Variants in TRPS1 observed in about 807,000 individuals in gnomAD.
TRPS1 encodes zinc finger transcription factor Trps1.
In TRPS1, 6 loss-of-function variants were observed where a neutral mutation model predicts 101.2. The observed-to-expected ratio is 0.06, with a 90% CI of 0.03 to 0.12. The LOEUF is 0.12. Among genes scored for constraint, TRPS1 ranks in the 10% least tolerant of loss-of-function variants. TRPS1 has a pLI of 1.00. For missense variants in TRPS1, 1,363 were observed against 1,567.0 expected, an observed-to-expected ratio of 0.87 and a Z score of 2.20; for synonymous variants, 578 against 589.8, an observed-to-expected ratio of 0.98 and a Z score of 0.29.
Position 115,603,933 on chromosome 8 carries a change from T to A in TRPS1, c.2036A>T (p.His679Leu), listed in dbSNP as rs1479213719. Residue 679 changes from histidine (H) to leucine (L), a missense_variant, in exon 4 of 7, where the codon CAC becomes CTC. Physicochemically the swap from His to Leu is moderately conservative, Grantham distance 99. This residue lies in a region of TRPS1 where 1,020 missense variants were observed against 1,073.0 expected (regional missense o/e 0.95). Coordinates refer to ENST00000395715, the MANE Select transcript of TRPS1 (RefSeq NM_014112.5). ...AATAAAATCACATTTGGTACATGAG[T>A]GTTCTTTGCTTTCCTTGACAGACTG... The part of the protein sequence containing the change: ...GQQSVKESKE[H>L]SCTKCDFITQ... 1 of 1,613,844 alleles carries A rather than the reference T, an allele frequency of 6.2e-7. No individual in the cohort carries two copies. Among genetic ancestry groups the A allele is most frequent in the Admixed American group, 1.7e-5 (1 of 59,958 alleles).
intron 4 of TRPS1, among the ~76,000 whole-genome samples, chr8:115,596,311 A>G (rs557154297): frequency 1.3e-5 from 2 of 152,042 alleles, no homozygotes; most frequent in African/African-American, 4.8e-5. Context: ...GTTCTTTCAC[A>G]GTAAGTTATT....
chr8:115,429,790 C>T (rs1455608301), intron 5 of TRPS1, among the ~76,000 whole-genome samples: 1 of 152,034 alleles, frequency 6.6e-6, no homozygotes, highest in Non-Finnish European at 1.5e-5. Context: ...TTTCTGTTGG[C>T]ATTATTTTTC....
intron 5 of TRPS1, among the ~76,000 whole-genome samples, chr8:115,547,947 C>T (rs952091958): frequency 6.6e-6 from 1 of 152,106 alleles, no homozygotes. Context: ...AATCCTAAAC[C>T]TGGCCAGGCA....
intron 5 of TRPS1, among the ~76,000 whole-genome samples, chr8:115,547,475 C>G (rs574350841): frequency 6.6e-6 from 1 of 152,146 alleles, no homozygotes; most frequent in Non-Finnish European, 1.5e-5. Flanking sequence ...GTGTGAATAC[C>G]TGCCCCTAGA....
At chr8:115,543,213 G>A (rs961497183) in intron 5 of TRPS1, among the ~76,000 whole-genome samples, 1 of 152,154 alleles carries the variant, frequency 6.6e-6, no homozygotes, top group Non-Finnish European at 1.5e-5. Flanking sequence ...AGGGAAGCAG[G>A]CATGGTCTTA....
At chr8:115,508,081 C>T (rs769021067) in intron 5 of TRPS1, among the ~76,000 whole-genome samples, 1 of 151,986 alleles carries the variant, frequency 6.6e-6, no homozygotes, top group Non-Finnish European at 1.5e-5. Flanking sequence ...TAATGACCAC[C>T]TTAACATGTT....
intron 5 of TRPS1, among the ~76,000 whole-genome samples, chr8:115,566,672 C>T (rs1817075031): frequency 6.6e-6 from 1 of 152,062 alleles, no homozygotes. Context: ...GACAATGACT[C>T]TTCACTAAGT....
At chr8:115,464,338 G>A (rs562676667) in intron 5 of TRPS1, among the ~76,000 whole-genome samples, 55 of 152,222 alleles carry the variant, frequency 3.6e-4, no homozygotes, top group Middle Eastern at 6.8e-3. Flanking sequence ...TGGATCAAGT[G>A]TTCTGTGACC....
At chr8:115,503,349 G>C (rs1815366567) in intron 5 of TRPS1, among the ~76,000 whole-genome samples, 1 of 151,494 alleles carries the variant, frequency 6.6e-6, no homozygotes, top group African/African-American at 2.4e-5. Flanking sequence ...AGGGCTAGCT[G>C]TCAAAAAATA....
intron 1 of TRPS1, among the ~76,000 whole-genome samples, chr8:115,624,995 C>T (rs1051524109): frequency 1.3e-5 from 2 of 151,756 alleles, no homozygotes; most frequent in East Asian, 3.9e-4. Context: ...GACATATTTA[C>T]TCCAACTAAC....
At chr8:115,445,191 A>C (rs1813701910) in intron 5 of TRPS1, among the ~76,000 whole-genome samples, 1 of 151,884 alleles carries the variant, frequency 6.6e-6, no homozygotes, top group Non-Finnish European at 1.5e-5. Context: ...CCTCCTCTCA[A>C]CTGTCAGAAA....
At chr8:115,626,369 G>C (rs536253923) in intron 1 of TRPS1, among the ~76,000 whole-genome samples, 1 of 151,026 alleles carries the variant, frequency 6.6e-6, no homozygotes, top group East Asian at 1.9e-4. Flanking sequence ...TAAAATGCAA[G>C]AGAACATTGT....
rs1194777137 is a variant in TRPS1, at chr8:115,620,053, G to T, written c.45C>A (p.Val15=). Residue 15 remains valine (V), a synonymous_variant, in exon 3 of 7, where the codon GTC becomes GTA. Coordinates refer to ENST00000395715, the MANE Select transcript of TRPS1 (RefSeq NM_014112.5). Reference sequence around the variant, plus strand: ...TTCTCAGAGGGGGGTTCTTTTTCCGGACCATATCTGCAAAGATAAAGGGAA... The same window carrying T: ...TTCTCAGAGGGGGGTTCTTTTTCCGTACCATATCTGCAAAGATAAAGGGAA... ...VNAGYDFTNM[V]RKKNPPLRNV... is the part of the protein sequence containing the mutation. 6.2e-7 allele frequency: 1 copy of T among 1,613,934 alleles called. No individual in the cohort carries two copies. The highest frequency in any genetic ancestry group is 8.5e-7 in the Non-Finnish European group (1 of 1,179,992).
intron 1 of TRPS1, among the ~76,000 whole-genome samples, chr8:115,643,075 C>G (rs1449118804): frequency 6.6e-6 from 1 of 152,070 alleles, no homozygotes; most frequent in Non-Finnish European, 1.5e-5. Context: ...TTAAAAAATA[C>G]ACTTAGTTAA....
At chr8:115,568,481 A>T (rs1240476845) in intron 5 of TRPS1, among the ~76,000 whole-genome samples, 3 of 152,084 alleles carry the variant, frequency 2.0e-5, no homozygotes, top group African/African-American at 7.2e-5. Flanking sequence ...TTTAAAACAT[A>T]GTTTACTATA....
intron 6 of TRPS1, among the ~76,000 whole-genome samples, chr8:115,416,784 G>C (rs1431409358): frequency 6.6e-6 from 1 of 151,954 alleles, no homozygotes; most frequent in Non-Finnish European, 1.5e-5. Flanking sequence ...GTTAGTTTAA[G>C]AAAGAAAATG....
chr8:115,411,663 C>G lies in TRPS1; in HGVS notation c.*2360G>C, dbSNP rs938466658. On this transcript the variant is annotated 3_prime_UTR_variant, in exon 7 of 7. Coordinates refer to ENST00000395715, the MANE Select transcript of TRPS1 (RefSeq NM_014112.5). ...ACATAATTTGAATGTCAAAGCTCCT[C>G]ATTCCACTTCTTTATTTCAGTTTAT... The G allele has an allele frequency of 6.6e-6, 1 of 152,468 alleles. No homozygotes were observed. Among genetic ancestry groups the G allele is most frequent in the African/African-American group, 2.4e-5 (1 of 41,432 alleles). 9.4% of individuals were successfully genotyped at this position (152,468 alleles called of 1,614,324 possible). A position where few individuals can be genotyped will look rare whatever the true frequency, so the allele number is the denominator to read the frequency against.
Position 115,441,864 on chromosome 8 carries a change from AGT to A in TRPS1, c.2701-23414_2701-23413del, listed in dbSNP as rs1813601498. 3.3e-4 allele frequency among the ~76,000 whole-genome samples: 46 copies of A among 138,896 alleles called. 1 individual carries two copies. Among genetic ancestry groups the A allele is most frequent in the Admixed American group, 3.1e-3 (42 of 13,596 alleles). 91.1% of individuals were successfully genotyped at this position (138,896 alleles called of 152,430 possible). A position where few individuals can be genotyped will look rare whatever the true frequency, so the allele number is the denominator to read the frequency against. On this transcript the variant is annotated intron_variant, in intron 5 of 6. Transcript: ENST00000395715. ...TACCATGATAGGTCTCCCAATTGAGAGTGAGAGAGAGAGAGAGAGAGAGAGAG... is the reference window on the plus strand; with the variant it reads ...TACCATGATAGGTCTCCCAATTGAGAGAGAGAGAGAGAGAGAGAGAGAGAG...
chr8:115,430,676 T>C (rs940887032), intron 5 of TRPS1, among the ~76,000 whole-genome samples: 5 of 152,058 alleles, frequency 3.3e-5, no homozygotes, highest in African/African-American at 9.7e-5. Context: ...ATTTGCAAAA[T>C]GTGTAGAAAT....
Sources: gnomAD v4.1 joint callset for allele counts (sites outside exome capture counted in the v4.1 genomes callset) on GRCh38, gnomAD v4.1.1 for gene constraint, gnomAD v4.1.1 regional missense constraint, MANE v1.5 for transcripts, NCBI Gene and HGNC (gene_info 2026-07-23, HGNC 2026-07-21) for gene names.